Variants in SP1 observed in about 807,000 individuals in gnomAD.
SP1 encodes transcription factor Sp1.
Under a neutral mutation model 66.3 loss-of-function variants are expected in SP1, and 6 were observed. The observed-to-expected ratio is 0.09, with a 90% CI of 0.05 to 0.18. The LOEUF is 0.18. Ranked by LOEUF, SP1 falls within the 10% of genes least tolerant of loss-of-function variation. The pLI is 1.00. For synonymous variants in SP1, 417 were observed against 360.8 expected, an observed-to-expected ratio of 1.16 and a Z score of -1.77; for missense variants, 848 against 964.5, an observed-to-expected ratio of 0.88 and a Z score of 1.60.
At chr12:53,386,689 G>C (rs1019486360) in intron 3 of SP1, among the ~76,000 whole-genome samples, 2 of 151,500 alleles carry the variant, frequency 1.3e-5, no homozygotes, top group African/African-American at 4.8e-5. Flanking sequence ...GGGTTTCACT[G>C]TGTTGACCAG....
intron 3 of SP1, among the ~76,000 whole-genome samples, chr12:53,405,766 C>A (rs1938720056): frequency 1.3e-5 from 2 of 151,918 alleles, no homozygotes; most frequent in Admixed American, 6.6e-5. Context: ...GTACCCTTAC[C>A]AATGCCGTAT....
chr12:53,383,250 C>T lies in SP1; in HGVS notation c.1303C>T (p.Leu435Phe), dbSNP rs779162403. Reference sequence around the variant, plus strand: ...AACTCAAGCCATCTCCCAGGAAACCCTCCAGAACCTCCAGCTTCAGGCTGT... The same window carrying T: ...AACTCAAGCCATCTCCCAGGAAACCTTCCAGAACCTCCAGCTTCAGGCTGT... The part of the protein sequence containing the change: ...FTTQAISQET[L>F]QNLQLQAVPN... The change falls in exon 3 of 6, where the codon CTC (leucine) becomes TTC (phenylalanine). Residue 435 changes from leucine to phenylalanine, a missense_variant. This residue lies in a region of SP1 where 606 missense variants were observed against 589.9 expected (regional missense o/e 1.03). Transcript: ENST00000327443. 3.1e-6 allele frequency: 5 copies of T among 1,614,208 alleles called. No homozygotes were observed. The highest frequency in any genetic ancestry group is 2.2e-5 in the East Asian group (1 of 44,888).
chr12:53,382,874 C>G lies in SP1; in HGVS notation c.927C>G (p.Ser309Arg), dbSNP rs1202815175. The G allele has an allele frequency of 6.2e-7, 1 of 1,614,218 alleles. No homozygotes were observed. Among genetic ancestry groups the G allele is most frequent in the Non-Finnish European group, 8.5e-7 (1 of 1,180,038 alleles). Residue 309 changes from serine (S) to arginine (R), a missense_variant, in exon 3 of 6, where the codon AGC becomes AGG. This residue lies in a region of SP1 where 606 missense variants were observed against 589.9 expected (regional missense o/e 1.03). Coordinates refer to ENST00000327443, the MANE Select transcript of SP1 (RefSeq NM_138473.3). ...CAGGGACTACCATCAGTTCTGCCAG[C>G]TTGGTATCATCACAAGCCAGTTCCA... ...VTSGTTISSA[S>R]LVSSQASSSS...
At position 53,380,244 on chromosome 12, in the gene SP1, C is replaced by A. The variant is rs1045649173; in HGVS notation, c.-48C>A. 2.2e-6 allele frequency: 3 copies of A among 1,339,558 alleles called. No homozygotes were observed. Among genetic ancestry groups the A allele is most frequent in the Admixed American group, 3.4e-5 (2 of 58,650 alleles). 83.0% of individuals were successfully genotyped at this position (1,339,558 alleles called of 1,614,324 possible). A position where few individuals can be genotyped will look rare whatever the true frequency, so the allele number is the denominator to read the frequency against. ...CGTCCGCGTTTTTCCCGGCCCCCCC[C>A]AACCCCCCCGGACAGGACCCCCTTG... On this transcript the variant is annotated 5_prime_UTR_variant, in exon 1 of 6. Coordinates refer to ENST00000327443, the MANE Select transcript of SP1 (RefSeq NM_138473.3).
rs1013457638 is a variant in SP1, at chr12:53,384,601, T to A, written c.1675+979T>A. Among the ~76,000 whole-genome samples the A allele has an allele frequency of 2.0e-5, 3 of 152,328 alleles. No homozygotes were observed. In the South Asian group the frequency reaches 6.2e-4, roughly 32 times the overall value. ...GCACCCAGCCACATTTTCTGTTTTGTATGTTTTTTTTCCACACCCCTTTAA... is the reference window on the plus strand; with the variant it reads ...GCACCCAGCCACATTTTCTGTTTTGAATGTTTTTTTTCCACACCCCTTTAA... On this transcript the variant is annotated intron_variant, in intron 3 of 5. Coordinates refer to ENST00000327443, the MANE Select transcript of SP1 (RefSeq NM_138473.3).
In SP1 at chr12:53,380,270, A is replaced by G. The variant is rs1938051144; in HGVS notation, c.-22A>G. The G allele has an allele frequency of 3.2e-6, 2 of 633,446 alleles. No homozygotes were observed. The highest frequency in any genetic ancestry group is 2.1e-5 in the African/African-American group (1 of 47,348). The allele number at this position is 633,446 out of a possible 1,614,324, so 39.2% of individuals were successfully genotyped here. On this transcript the variant is annotated 5_prime_UTR_variant, in exon 1 of 6. Transcript: ENST00000327443. ...AACCCCCCCGGACAGGACCCCCTTGAGCTTGTCCCTCAGCTGCCACCATGA... is the reference window on the plus strand; with the variant it reads ...AACCCCCCCGGACAGGACCCCCTTGGGCTTGTCCCTCAGCTGCCACCATGA...
In SP1 at chr12:53,380,607, C is replaced by CCGGGGGCTGGAGCCG. The variant is rs1432482635; in HGVS notation, c.7+317_7+331dup. 1.3e-4 allele frequency: 128 copies of CCGGGGGCTGGAGCCG among 1,015,730 alleles called. No individual in the cohort carries two copies. In the African/African-American group the frequency reaches 2.2e-3, roughly 17 times the overall value. The allele number at this position is 1,015,730 out of a possible 1,614,324, so 62.9% of individuals were successfully genotyped here. On this transcript the variant is annotated intron_variant, in intron 1 of 5. Coordinates refer to ENST00000327443, the MANE Select transcript of SP1 (RefSeq NM_138473.3). ...GGCCGCCCGCCTGAGGCTCCTCCCG[C>CCGGGGGCTGGAGCCG]CGGGGGCTGGAGCCGCGGGGGCGGC... is the stretch of plus-strand genomic sequence containing the variant.
In SP1 at chr12:53,383,610, G is replaced by C; in HGVS notation, c.1663G>C (p.Ala555Pro). The C allele has an allele frequency of 6.2e-7, 1 of 1,605,064 alleles. No homozygotes were observed. Among genetic ancestry groups the C allele is most frequent in the African/African-American group, 1.3e-5 (1 of 74,938 alleles). Residue 555 changes from alanine to proline, a missense_variant, in exon 3 of 6, where the codon GCA becomes CCA. Physicochemically the swap from Ala to Pro is conservative, Grantham distance 27. Transcript: ENST00000327443. ...HPIQGLPLAI[A>P]NAPGDHGAQL... ...AATTCAAGGCCTGCCGTTGGCTATAGCAAATGCCCCAGGTAAGATTTCCAA... is the reference window on the plus strand; with the variant it reads ...AATTCAAGGCCTGCCGTTGGCTATACCAAATGCCCCAGGTAAGATTTCCAA...
rs1328050609 is a variant in SP1, at chr12:53,413,460, A to G, written c.*2220A>G. 1.3e-5 allele frequency: 2 copies of G among 152,618 alleles called. No individual in the cohort carries two copies. The highest frequency in any genetic ancestry group is 1.5e-5 in the Non-Finnish European group (1 of 68,042). The allele number at this position is 152,618 out of a possible 1,614,324, so 9.5% of individuals were successfully genotyped here. On this transcript the variant is annotated 3_prime_UTR_variant, in exon 6 of 6. Coordinates refer to ENST00000327443, the MANE Select transcript of SP1 (RefSeq NM_138473.3). ...TGGGTAAGTGTGTTGTTTAATCTGAACTATAGTAACTTAATACTCTAAACA... is the reference window on the plus strand; with the variant it reads ...TGGGTAAGTGTGTTGTTTAATCTGAGCTATAGTAACTTAATACTCTAAACA...
intron 3 of SP1, among the ~76,000 whole-genome samples, chr12:53,394,607 CTTTTTTT>C (rs71443299): frequency 1.7e-5 from 1 of 58,150 alleles, no homozygotes; most frequent in Non-Finnish European, 3.0e-5. Context: ...GAGATAAGGT[CTTTTTTT>C]TTTTTTTTTT....
chr12:53,380,350 C>T, intron 1 of SP1, 52 bp downstream of exon 1: 1 of 1,415,468 alleles, frequency 7.1e-7, no homozygotes, highest in South Asian at 1.5e-5. Context: ...TGAGGGGGCG[C>T]GCGCGAGGGC....
rs1290175428 is a variant in SP1 at position 53,382,177 on chromosome 12, A to G, written c.230A>G (p.Asn77Ser). 6 of 1,614,174 alleles carry G rather than the reference A, an allele frequency of 3.7e-6. No individual in the cohort carries two copies. The highest frequency in any genetic ancestry group is 5.1e-6 in the Non-Finnish European group (6 of 1,180,020). Residue 77 changes from asparagine to serine, a missense_variant, in exon 3 of 6, where the codon AAC becomes AGC. Coordinates refer to ENST00000327443, the MANE Select transcript of SP1 (RefSeq NM_138473.3). ...AGCAGAATTGAGTCACCCAATGAGA[A>G]CAGCAACAACTCCCAGGGCCCGAGT... ...TCSRIESPNE[N>S]SNNSQGPSQS...
Position 53,413,893 on chromosome 12 carries a change from T to C in SP1, c.*2653T>C, listed in dbSNP as rs1181074328. 6.6e-6 allele frequency: 1 copy of C among 152,218 alleles called. No individual in the cohort carries two copies. The highest frequency in any genetic ancestry group is 1.9e-4 in the East Asian group (1 of 5,208). The allele number at this position is 152,218 out of a possible 1,614,324, so 9.4% of individuals were successfully genotyped here. On this transcript the variant is annotated 3_prime_UTR_variant, in exon 6 of 6. Coordinates refer to ENST00000327443, the MANE Select transcript of SP1 (RefSeq NM_138473.3). ...CTGGTTTACCCTCAACCCTATTCATTAGCATTACCATGAGTGAATTTATAT... is the reference window on the plus strand; with the variant it reads ...CTGGTTTACCCTCAACCCTATTCATCAGCATTACCATGAGTGAATTTATAT...
intron 3 of SP1, among the ~76,000 whole-genome samples, chr12:53,388,700 C>T (rs956811578): frequency 2.6e-5 from 4 of 152,126 alleles, no homozygotes; most frequent in Admixed American, 2.6e-4. Flanking sequence ...CTTGTTTTGG[C>T]CAGGCGTAGT....
At position 53,409,347 on chromosome 12, in the gene SP1, T is replaced by G. The variant is rs534992839; in HGVS notation, c.1845-15T>G. 1.9e-4 allele frequency: 306 copies of G among 1,608,778 alleles called. No homozygotes were observed. Among genetic ancestry groups the G allele is most frequent in the Non-Finnish European group, 2.4e-4 (285 of 1,176,366 alleles). On this transcript the variant is annotated splice_polypyrimidine_tract_variant and intron_variant, in intron 4 of 5. Coordinates refer to ENST00000327443, the MANE Select transcript of SP1 (RefSeq NM_138473.3). ...CTCTAGAATGAATGATTAACAGTTGTGTCCTCACTTTCAGGGGCTCGGGGG... is the reference window on the plus strand; with the variant it reads ...CTCTAGAATGAATGATTAACAGTTGGGTCCTCACTTTCAGGGGCTCGGGGG...
Position 53,409,703 on chromosome 12 carries a change from G to A in SP1, c.2044+142G>A, listed in dbSNP as rs1196479833. 38 of 746,714 alleles carry A rather than the reference G, an allele frequency of 5.1e-5. 1 individual carries two copies. In the South Asian group the frequency reaches 6.9e-4, roughly 14 times the overall value. 46.3% of individuals were successfully genotyped at this position (746,714 alleles called of 1,614,324 possible). ...TCACAAATGGAATTGGAGTTAATCT[G>A]GAAAATTTTTAAGAAGGAAGGAGGG... On this transcript the variant is annotated intron_variant, in intron 5 of 5. Coordinates refer to ENST00000327443, the MANE Select transcript of SP1 (RefSeq NM_138473.3).
At chr12:53,405,575 C>G (rs2136915482) in intron 3 of SP1, among the ~76,000 whole-genome samples, 1 of 152,064 alleles carries the variant, frequency 6.6e-6, no homozygotes, top group East Asian at 1.9e-4. Context: ...GAGGCTAAGG[C>G]AGGAGAATCA....
In SP1 at chr12:53,411,253, G is replaced by A. The variant is rs375908474; in HGVS notation, c.*13G>A. ...CAATGGCTTCTGAGATCAGGCACCC[G>A]GGGCCAGAGACATATGGGCCATACC... On this transcript the variant is annotated 3_prime_UTR_variant, in exon 6 of 6. Transcript: ENST00000327443. 2.0e-4 allele frequency: 321 copies of A among 1,600,798 alleles called. No individual in the cohort carries two copies. In the African/African-American group the frequency reaches 3.5e-3, roughly 17 times the overall value.
rs1938160082 is a variant in SP1 at position 53,383,603 on chromosome 12, G to A, written c.1656G>A (p.Leu552=). The part of the protein sequence containing the change: ...IQVHPIQGLP[L]AIANAPGDHG... ...TGCACCCAATTCAAGGCCTGCCGTT[G>A]GCTATAGCAAATGCCCCAGGTAAGA... is the stretch of plus-strand genomic sequence containing the variant. The change falls in exon 3 of 6, where the codon TTG becomes TTA. Residue 552 remains leucine, a synonymous_variant. Coordinates refer to ENST00000327443, the MANE Select transcript of SP1 (RefSeq NM_138473.3). 1 of 1,606,862 alleles carries A rather than the reference G, an allele frequency of 6.2e-7. No homozygotes were observed. Among genetic ancestry groups the A allele is most frequent in the South Asian group, 1.1e-5 (1 of 90,938 alleles).
Sources: gnomAD v4.1 joint callset for allele counts (sites outside exome capture counted in the v4.1 genomes callset) on GRCh38, gnomAD v4.1.1 for gene constraint, gnomAD v4.1.1 regional missense constraint, MANE v1.5 for transcripts, NCBI Gene and HGNC (gene_info 2026-07-23, HGNC 2026-07-21) for gene names.